PPARGC1A: variants seen among roughly 807,000 people sequenced by gnomAD.
PPARGC1A encodes the protein peroxisome proliferator-activated receptor gamma coactivator 1-alpha.
A neutral mutation model predicts 88.7 loss-of-function variants in PPARGC1A; 25 were observed. The ratio of observed to expected loss-of-function variants is 0.28; its 90% CI spans 0.21 to 0.39. The LOEUF (loss-of-function observed/expected upper bound fraction) is 0.39. PPARGC1A is among the 10% of genes least tolerant of loss of function. The pLI is 1.00. For synonymous variants in PPARGC1A, 363 were observed against 355.6 expected (o/e 1.02, Z -0.24); for missense variants, 880 against 968.7 (o/e 0.91, Z 1.22).
chr4:24,403,412 C>T, the PPARGC1A span, among the ~76,000 whole-genome samples: 1 of 152,342 alleles, frequency 6.6e-6, no homozygotes, highest in Non-Finnish European at 1.5e-5. Flanking sequence ...GAAATCAAAT[C>T]ACACTGCGTA....
upstream of PPARGC1A, chr4:23,899,453 C>G (rs1191369429): frequency 6.6e-6 from 1 of 152,172 alleles, no homozygotes; most frequent in Admixed American, 6.5e-5. Flanking sequence ...TCACACAAAA[C>G]TACAGCTAAT....
the PPARGC1A span, among the ~76,000 whole-genome samples, chr4:24,265,717 T>C: frequency 6.6e-6 from 1 of 152,004 alleles, no homozygotes; most frequent in Non-Finnish European, 1.5e-5. Flanking sequence ...GTTAGAATAC[T>C]AGATACACTG....
the PPARGC1A span, among the ~76,000 whole-genome samples, chr4:23,993,167 A>AC: frequency 1.3e-5 from 2 of 152,294 alleles, no homozygotes; most frequent in East Asian, 1.9e-4. Context: ...ATTCTATGTC[A>AC]CCTCATTATA....
the PPARGC1A span, among the ~76,000 whole-genome samples, chr4:24,360,149 A>G: frequency 3.2e-4 from 49 of 152,202 alleles, no homozygotes; most frequent in Non-Finnish European, 5.1e-4. Context: ...TTTCAGCCAC[A>G]TCAACTCTCC....
At chr4:24,275,254 C>T in the PPARGC1A span, among the ~76,000 whole-genome samples, 8 of 152,206 alleles carry the variant, frequency 5.3e-5, no homozygotes, top group African/African-American at 1.9e-4. Context: ...ACTCTACTGG[C>T]ATCAGCATAT....
chr4:24,014,551 A>G, the PPARGC1A span, among the ~76,000 whole-genome samples: 2 of 152,192 alleles, frequency 1.3e-5, no homozygotes, highest in African/African-American at 4.8e-5. Context: ...GATGTCAGCC[A>G]GCCTGTGTTC....
the PPARGC1A span, among the ~76,000 whole-genome samples, chr4:24,153,102 C>T: frequency 0.14 from 21,357 of 152,032 alleles, 2,083 homozygotes; most frequent in Non-Finnish European, 0.21. Flanking sequence ...ATACAGGAGG[C>T]GAAATGCAGA....
the PPARGC1A span, among the ~76,000 whole-genome samples, chr4:24,241,526 T>C: frequency 6.6e-6 from 1 of 152,234 alleles, no homozygotes; most frequent in Non-Finnish European, 1.5e-5. Flanking sequence ...TTCAATCCCT[T>C]TGGACTCACA....
In PPARGC1A at chr4:23,802,283, C is replaced by T. The variant is rs1450272968; in HGVS notation, c.2082G>A (p.Arg694=). The change falls in exon 11 of 13, where the codon AGG becomes AGA. Residue 694 remains arginine, a synonymous_variant. Coordinates refer to ENST00000264867, the MANE Select transcript of PPARGC1A (RefSeq NM_013261.5). ...IRPDTTRTEL[R]DRFEVFGEIE... ...TTTCACCAAAAACTTCAAAACGGTC[C>T]CTCAGTTCTGTCCGTGTTGTGTCAG... 4 of 1,613,582 alleles carry T rather than the reference C, an allele frequency of 2.5e-6. No homozygotes were observed. The Admixed American group carries it at 5.0e-5, about 20-fold the overall frequency.
At chr4:24,108,886 T>A in the PPARGC1A span, among the ~76,000 whole-genome samples, 2 of 152,080 alleles carry the variant, frequency 1.3e-5, no homozygotes, top group Admixed American at 6.6e-5. Flanking sequence ...GAGAAAAAGA[T>A]GGGAAGAGGA....
At chr4:23,967,682 A>T in the PPARGC1A span, among the ~76,000 whole-genome samples, 1 of 152,194 alleles carries the variant, frequency 6.6e-6, no homozygotes, top group South Asian at 2.1e-4. Flanking sequence ...CTTTGATGAT[A>T]TAAACCCTCC....
the PPARGC1A span, among the ~76,000 whole-genome samples, chr4:24,104,019 T>C: frequency 6.6e-6 from 1 of 152,190 alleles, no homozygotes; most frequent in Non-Finnish European, 1.5e-5. Context: ...GTGGCCCCTA[T>C]ATTTAGCTCT....
intron 2 of PPARGC1A, among the ~76,000 whole-genome samples, chr4:23,873,424 G>T (rs1714003411): frequency 6.6e-6 from 1 of 152,050 alleles, no homozygotes; most frequent in South Asian, 2.1e-4. Context: ...GATGAGGAAG[G>T]TTGAACACAT....
At chr4:24,010,345 G>A in the PPARGC1A span, among the ~76,000 whole-genome samples, 3 of 152,172 alleles carry the variant, frequency 2.0e-5, no homozygotes, top group Non-Finnish European at 2.9e-5. Context: ...GCAGGATGAA[G>A]TATTTAAAGG....
chr4:23,978,587 T>C, the PPARGC1A span, among the ~76,000 whole-genome samples: 1 of 152,194 alleles, frequency 6.6e-6, no homozygotes, highest in Non-Finnish European at 1.5e-5. Flanking sequence ...GTTATAACCC[T>C]ATTTGATAAA....
chr4:23,826,701 A>G (rs1475771147), intron 5 of PPARGC1A, among the ~76,000 whole-genome samples: 2 of 152,182 alleles, frequency 1.3e-5, no homozygotes, highest in South Asian at 2.1e-4. Context: ...AGCCTTTCAT[A>G]ACTAAAGAAT....
upstream of PPARGC1A, among the ~76,000 whole-genome samples, chr4:23,903,080 T>C (rs1031279557): frequency 6.6e-6 from 1 of 151,976 alleles, no homozygotes; most frequent in African/African-American, 2.4e-5. Flanking sequence ...ATCAATCATA[T>C]ATTATAACAC....
the PPARGC1A span, among the ~76,000 whole-genome samples, chr4:24,437,385 A>G: frequency 6.6e-6 from 1 of 152,182 alleles, no homozygotes; most frequent in Non-Finnish European, 1.5e-5. Context: ...CCTGAAGGGC[A>G]GACATGAGCC....
chr4:24,118,218 C>T, the PPARGC1A span, among the ~76,000 whole-genome samples: 1 of 152,172 alleles, frequency 6.6e-6, no homozygotes, highest in African/African-American at 2.4e-5. Context: ...AAACCAAGCA[C>T]TTTGCCACTA....
Sources: gnomAD v4.1 joint callset for allele counts (sites outside exome capture counted in the v4.1 genomes callset) on GRCh38, gnomAD v4.1.1 for gene constraint, MANE v1.5 for transcripts, NCBI Gene and HGNC (gene_info 2026-07-23, HGNC 2026-07-21) for gene names.